The following SLAMF9 variants were observed in gnomAD, a reference collection of about 807,000 sequenced individuals.
The protein encoded by SLAMF9 is CD2 family member 10.
In SLAMF9, 25 loss-of-function variants were observed where a neutral mutation model predicts 30.4. The ratio of observed to expected loss-of-function variants is 0.82; its 90% CI spans 0.60 to 1.15. SLAMF9 has a LOEUF of 1.15. Ranked by LOEUF, SLAMF9 falls within the 50% of genes most tolerant of loss-of-function variation. The pLI is 0.00. For missense variants in SLAMF9, 344 were observed against 346.1 expected (o/e 0.99, Z 0.05); for synonymous variants, 129 against 127.2 (o/e 1.01, Z -0.09).
the SLAMF9 span, chr1:159,983,364 A>T: frequency 6.6e-6 from 1 of 152,176 alleles, no homozygotes; most frequent in Admixed American, 6.5e-5. Context: ...CTGGAGTCAC[A>T]ATCACTGATT....
chr1:159,953,856 T>A (rs1651861773), intron 1 of SLAMF9, among the ~76,000 whole-genome samples: 1 of 152,226 alleles, frequency 6.6e-6, no homozygotes, highest in South Asian at 2.1e-4. Context: ...TGCTTCCATC[T>A]GTCCCTTCAC....
chr1:159,956,647 G>A (rs1177923898), upstream of SLAMF9, among the ~76,000 whole-genome samples: 1 of 151,974 alleles, frequency 6.6e-6, no homozygotes, highest in Non-Finnish European at 1.5e-5. Flanking sequence ...GCTGAGTAGC[G>A]GGTGGTAAGT....
the SLAMF9 span, among the ~76,000 whole-genome samples, chr1:159,979,799 GA>G: frequency 6.6e-6 from 1 of 152,160 alleles, no homozygotes; most frequent in Non-Finnish European, 1.5e-5. Flanking sequence ...AACACGTATG[GA>G]GACACAAAGC....
At chr1:159,956,988 G>A (rs898073178), upstream of SLAMF9, among the ~76,000 whole-genome samples, 2 of 151,688 alleles carry the variant, frequency 1.3e-5, no homozygotes, top group African/African-American at 4.9e-5. Context: ...CGGGCGTGGT[G>A]GCGGGTGCCT....
At chr1:159,962,920 C>G in the SLAMF9 span, among the ~76,000 whole-genome samples, 1 of 152,146 alleles carries the variant, frequency 6.6e-6, no homozygotes, top group Admixed American at 6.5e-5. Flanking sequence ...TACCCTAGAG[C>G]AGAAGCAAAA....
At chr1:159,983,844 A>T in the SLAMF9 span, 1 of 152,354 alleles carries the variant, frequency 6.6e-6, no homozygotes, top group South Asian at 2.1e-4. Context: ...CTCCTTGCAG[A>T]TCTTCAGCTC....
chr1:159,952,703 G>A (rs1412357868), intron 2 of SLAMF9, among the ~76,000 whole-genome samples, 169 bp from the exon 3 acceptor site: 1 of 152,122 alleles, frequency 6.6e-6, no homozygotes, highest in African/African-American at 2.4e-5. Flanking sequence ...GTGGTTTCAA[G>A]GTCCCCAAGG....
the SLAMF9 span, among the ~76,000 whole-genome samples, chr1:159,981,335 A>G: frequency 1.3e-5 from 2 of 152,198 alleles, no homozygotes; most frequent in Non-Finnish European, 2.9e-5. Context: ...TTAGACTTCC[A>G]GCCTCCAGAT....
intron 2 of SLAMF9, 124 bp downstream of exon 2, chr1:159,953,185 G>C: frequency 1.3e-6 from 1 of 756,338 alleles, no homozygotes; most frequent in Non-Finnish European, 2.2e-6. Context: ...CTAGATTGGA[G>C]ACAGTCTGCC....
Position 159,951,754 on chromosome 1 carries a change from G to A in SLAMF9, c.777C>T (p.Val259=), listed in dbSNP as rs758816630. ...TCCTTGGCATTTTGTGTCTTTTCTGGACTCGGATGACCCAGAGTCCCATGG... is the reference window on the plus strand; with the variant it reads ...TCCTTGGCATTTTGTGTCTTTTCTGAACTCGGATGACCCAGAGTCCCATGG... ...ILAMGLWVIR[V]QKRHKMPRMK... Residue 259 remains valine, a synonymous_variant, in exon 4 of 4, where the codon GTC becomes GTT. Transcript: ENST00000368093. The A allele has an allele frequency of 1.1e-5, 18 of 1,614,092 alleles. No individual in the cohort carries two copies. Among genetic ancestry groups the A allele is most frequent in the Non-Finnish European group, 1.4e-5 (16 of 1,180,032 alleles).
intron 1 of SLAMF9, 118 bp from the exon 2 acceptor site, chr1:159,953,771 C>T (rs912503326): frequency 1.1e-6 from 1 of 892,000 alleles, no homozygotes; most frequent in Admixed American, 2.9e-5. Flanking sequence ...GACTCTCACA[C>T]TAAATCCTGT....
At chr1:159,952,147 G>A (rs561702023) in intron 3 of SLAMF9, 115 bp downstream of exon 3, 21 of 1,239,742 alleles carry the variant, frequency 1.7e-5, no homozygotes, top group Non-Finnish European at 2.4e-5. Context: ...GCCTCCATGG[G>A]AGGGGGTTAG....
At chr1:159,957,835 G>A (rs1321762974), upstream of SLAMF9, among the ~76,000 whole-genome samples, 3 of 150,632 alleles carry the variant, frequency 2.0e-5, no homozygotes, top group Non-Finnish European at 4.4e-5. Flanking sequence ...AAAGAAAACA[G>A]GGTCATGAGT....
chr1:159,973,103 G>A, the SLAMF9 span: 1 of 1,515,892 alleles, frequency 6.6e-7, no homozygotes, highest in Non-Finnish European at 8.9e-7. Flanking sequence ...CTCCTGGGAT[G>A]CAGAGTTCTG....
chr1:159,961,830 A>G, the SLAMF9 span, among the ~76,000 whole-genome samples: 1 of 152,162 alleles, frequency 6.6e-6, no homozygotes, highest in Admixed American at 6.5e-5. Flanking sequence ...CTGGGGGCGT[A>G]TAGACCTGCT....
the SLAMF9 span, chr1:159,983,729 T>C: frequency 6.6e-6 from 1 of 152,218 alleles, no homozygotes; most frequent in East Asian, 1.9e-4. Flanking sequence ...GGATAGATGA[T>C]TCCTAAGGTC....
At chr1:159,965,511 T>A in the SLAMF9 span, 1 of 152,228 alleles carries the variant, frequency 6.6e-6, no homozygotes. Flanking sequence ...AGGCTCCTTC[T>A]GTAAGGTTGC....
the SLAMF9 span, chr1:159,973,720 C>T: frequency 1.5e-6 from 2 of 1,337,940 alleles, no homozygotes; most frequent in East Asian, 4.7e-5. Context: ...GGGTCCTGTC[C>T]AGAGAGCTAC....
the SLAMF9 span, chr1:159,973,753 T>C: frequency 1.3e-6 from 2 of 1,585,436 alleles, no homozygotes; most frequent in African/African-American, 2.7e-5. Context: ...ACGGGACCCC[T>C]GAGAGGCACC....
Sources: gnomAD v4.1 joint callset for allele counts (sites outside exome capture counted in the v4.1 genomes callset) on GRCh38, gnomAD v4.1.1 for gene constraint, MANE v1.5 for transcripts, NCBI Gene and HGNC (gene_info 2026-07-23, HGNC 2026-07-21) for gene names.